The following TNIK variants were observed in gnomAD, a reference collection of about 807,000 sequenced individuals.
The protein encoded by TNIK is TRAF2 and NCK-interacting protein kinase.
A neutral mutation model predicts 191.3 loss-of-function variants in TNIK; 49 were observed. The ratio of observed to expected loss-of-function variants is 0.26; its 90% CI spans 0.20 to 0.32. TNIK has a LOEUF of 0.32. Ranked by LOEUF, TNIK falls within the 10% of genes least tolerant of loss-of-function variation. The pLI is 1.00. For missense variants in TNIK, 1,155 were observed against 1,702.3 expected (o/e 0.68, Z 5.66); for synonymous variants, 594 against 600.9 (o/e 0.99, Z 0.17).
At chr3:171,393,744 G>T (rs1719867783) in intron 1 of TNIK, among the ~76,000 whole-genome samples, 1 of 152,094 alleles carries the variant, frequency 6.6e-6, no homozygotes, top group Admixed American at 6.5e-5. Flanking sequence ...ATTTTCATTT[G>T]TCAAACTAAG....
At chr3:171,376,002 C>T (rs1200496484) in intron 1 of TNIK, among the ~76,000 whole-genome samples, 3 of 152,140 alleles carry the variant, frequency 2.0e-5, no homozygotes, top group Non-Finnish European at 4.4e-5. Context: ...ATGACTGCTA[C>T]CCCCGGATTC....
At chr3:171,245,221 A>G (rs1308489692) in intron 2 of TNIK, among the ~76,000 whole-genome samples, 1 of 152,230 alleles carries the variant, frequency 6.6e-6, no homozygotes, top group Middle Eastern at 3.2e-3. Flanking sequence ...TCAACACTCA[A>G]CTTAGGTAAG....
intron 1 of TNIK, among the ~76,000 whole-genome samples, chr3:171,413,520 G>A (rs1195185465): frequency 6.6e-6 from 1 of 152,088 alleles, no homozygotes; most frequent in Non-Finnish European, 1.5e-5. Flanking sequence ...ATCACCCACT[G>A]GCTCATTTCC....
chr3:171,420,914 T>G (rs984231148), intron 1 of TNIK, among the ~76,000 whole-genome samples: 1 of 152,144 alleles, frequency 6.6e-6, no homozygotes, highest in African/African-American at 2.4e-5. Context: ...CAGCTTGAGA[T>G]TTCATCATGC....
chr3:171,383,932 T>C (rs988653147), intron 1 of TNIK, among the ~76,000 whole-genome samples: 2 of 152,182 alleles, frequency 1.3e-5, no homozygotes, highest in Non-Finnish European at 2.9e-5. Context: ...CGGTCTACTC[T>C]GCTCTCCCAT....
chr3:171,345,996 A>C (rs1325745520), intron 2 of TNIK, among the ~76,000 whole-genome samples: 2 of 152,090 alleles, frequency 1.3e-5, no homozygotes, highest in Non-Finnish European at 2.9e-5. Flanking sequence ...AAAAAATTAA[A>C]CATGGTAAGG....
chr3:171,214,975 A>G (rs923026679), intron 3 of TNIK, among the ~76,000 whole-genome samples: 5 of 152,144 alleles, frequency 3.3e-5, no homozygotes, highest in African/African-American at 1.2e-4. Flanking sequence ...TGGCCATGAT[A>G]TGTGTCCCAC....
chr3:171,147,540 T>C (rs1002333536), intron 12 of TNIK, among the ~76,000 whole-genome samples: 1 of 152,182 alleles, frequency 6.6e-6, no homozygotes, highest in Admixed American at 6.5e-5. Flanking sequence ...CAAACCTTTT[T>C]TTATGTAAGG....
chr3:171,159,536 C>T lies in TNIK; in HGVS notation c.1016+1734G>A, dbSNP rs1733700043. Among the ~76,000 whole-genome samples, 1 of 152,018 alleles carries T rather than the reference C, an allele frequency of 6.6e-6. No individual in the cohort carries two copies. The highest frequency in any genetic ancestry group is 2.1e-4 in the South Asian group (1 of 4,810). On this transcript the variant is annotated intron_variant, in intron 11 of 32. Coordinates refer to ENST00000436636, the MANE Select transcript of TNIK (RefSeq NM_015028.4). This position sits in a 1 kb window ranked among gnomAD's most constrained non-coding sequence, Gnocchi z 4.1. Reference sequence around the variant, plus strand: ...GAGCCTTTGTGTCAAACTCTAAAACCCCAAACGATGGTGCTTATCTACACA... The same window carrying T: ...GAGCCTTTGTGTCAAACTCTAAAACTCCAAACGATGGTGCTTATCTACACA...
rs980075420 is a variant in TNIK, at chr3:171,184,671, A to G, written c.639+4031T>C. On this transcript the variant is annotated intron_variant, in intron 7 of 32. Coordinates refer to ENST00000436636, the MANE Select transcript of TNIK (RefSeq NM_015028.4). ...AAATGCATCATTCTGCAATCTGAAT[A>G]TTGTCCTCTCAGGTGACACCCTGCA... is the stretch of plus-strand genomic sequence containing the variant. Among the ~76,000 whole-genome samples the G allele has an allele frequency of 2.6e-4, 40 of 152,308 alleles. 1 individual carries two copies. The highest frequency in any genetic ancestry group is 2.4e-3 in the Admixed American group (36 of 15,300).
chr3:171,211,591 G>A (rs983966399), intron 3 of TNIK, among the ~76,000 whole-genome samples: 5 of 152,190 alleles, frequency 3.3e-5, no homozygotes, highest in Non-Finnish European at 7.4e-5. Flanking sequence ...AGCTATTACT[G>A]ATTCTATCTG....
chr3:171,252,590 G>C (rs1286458345), intron 2 of TNIK, among the ~76,000 whole-genome samples: 1 of 152,116 alleles, frequency 6.6e-6, no homozygotes, highest in Non-Finnish European at 1.5e-5. Flanking sequence ...CAGCTTAGAA[G>C]GTAAAATACT....
intron 18 of TNIK, 41 bp downstream of exon 18, chr3:171,123,555 T>C: frequency 6.9e-7 from 1 of 1,453,176 alleles, no homozygotes; most frequent in Non-Finnish European, 9.3e-7. Context: ...CAATGGTGGG[T>C]AGGAGTTTCT....
intron 3 of TNIK, among the ~76,000 whole-genome samples, chr3:171,211,494 C>T (rs955474805): frequency 6.6e-6 from 1 of 152,114 alleles, no homozygotes; most frequent in Non-Finnish European, 1.5e-5. Flanking sequence ...AAAACAATCC[C>T]TCATCTCTTC....
chr3:171,198,343 T>A (rs1738980818), intron 4 of TNIK, among the ~76,000 whole-genome samples: 1 of 151,662 alleles, frequency 6.6e-6, no homozygotes, highest in Admixed American at 6.6e-5. Context: ...AAATAGGCAA[T>A]CCATAGAGAC....
intron 2 of TNIK, among the ~76,000 whole-genome samples, chr3:171,295,414 T>A (rs1044639142): frequency 2.0e-5 from 3 of 152,140 alleles, no homozygotes; most frequent in Non-Finnish European, 2.9e-5. Flanking sequence ...TGACAGGCAG[T>A]CCTCCAAAGT....
chr3:171,404,334 A>G (rs548896668), intron 1 of TNIK, among the ~76,000 whole-genome samples: 2 of 151,370 alleles, frequency 1.3e-5, no homozygotes, highest in East Asian at 1.9e-4. Context: ...CATACTCCCA[A>G]CTGAGAACCA....
intron 2 of TNIK, among the ~76,000 whole-genome samples, chr3:171,359,575 C>A (rs1714667152): frequency 6.6e-6 from 1 of 152,268 alleles, no homozygotes; most frequent in South Asian, 2.1e-4. Flanking sequence ...CCACTGCACC[C>A]AGCAGCAGAG....
At chr3:171,336,992 ACACAGCTTCACCTCTTCCC>A (rs1560446233) in intron 2 of TNIK, among the ~76,000 whole-genome samples, 1 of 150,436 alleles carries the variant, frequency 6.6e-6, no homozygotes, top group Non-Finnish European at 1.5e-5. Flanking sequence ...CTGGATTCTG[ACACAGCTTCACCTCTTCCC>A]CACAGCCTCA....
Sources: gnomAD v4.1 joint callset for allele counts (sites outside exome capture counted in the v4.1 genomes callset) on GRCh38, gnomAD v4.1.1 for gene constraint, Gnocchi (gnomAD v3.1) non-coding constraint, MANE v1.5 for transcripts, NCBI Gene and HGNC (gene_info 2026-07-23, HGNC 2026-07-21) for gene names.